WDR27: variants seen among roughly 807,000 people sequenced by gnomAD.
WDR27 encodes WD repeat-containing protein 27.
Under a neutral mutation model 114.4 loss-of-function variants are expected in WDR27, and 100 were observed. The observed-to-expected ratio is 0.87, with a 90% CI of 0.74 to 1.03. The LOEUF is 1.03. Among genes scored for constraint, WDR27 ranks in the 50% least tolerant of loss-of-function variants. WDR27 has a pLI of 0.00. For missense variants in WDR27, 1,129 were observed against 1,092.9 expected (o/e 1.03, Z -0.47); for synonymous variants, 449 against 423.1 (o/e 1.06, Z -0.75).
At chr6:169,688,450 T>C (rs1472146963) in intron 2 of WDR27, among the ~76,000 whole-genome samples, 1 of 152,144 alleles carries the variant, frequency 6.6e-6, no homozygotes, top group Admixed American at 6.5e-5. Context: ...CATTACAACA[T>C]GCACTTATTA....
chr6:169,591,950 T>C (rs1805825361), intron 23 of WDR27, among the ~76,000 whole-genome samples: 1 of 151,708 alleles, frequency 6.6e-6, no homozygotes, highest in Non-Finnish European at 1.5e-5. Flanking sequence ...TTCTGGCTTC[T>C]ATTAGTGGGG....
intron 25 of WDR27, among the ~76,000 whole-genome samples, chr6:169,554,017 C>T (rs1798539210): frequency 6.6e-6 from 1 of 152,164 alleles, no homozygotes; most frequent in Non-Finnish European, 1.5e-5. Flanking sequence ...TCTTTTAAGT[C>T]ACTTTTTTTA....
intron 25 of WDR27, among the ~76,000 whole-genome samples, chr6:169,481,921 G>A (rs906175850): frequency 6.6e-6 from 1 of 152,192 alleles, no homozygotes; most frequent in Non-Finnish European, 1.5e-5. Flanking sequence ...AAGTCAGGCA[G>A]ACCAAGAACA....
At chr6:169,485,246 A>AAGGAT (rs1788725807) in intron 25 of WDR27, among the ~76,000 whole-genome samples, 1 of 152,258 alleles carries the variant, frequency 6.6e-6, no homozygotes, top group African/African-American at 2.4e-5. Context: ...AGGATAAGAT[A>AAGGAT]AAGTATTTGC....
intron 18 of WDR27, among the ~76,000 whole-genome samples, 199 bp downstream of exon 18, chr6:169,638,340 A>AAAAAAAAAAAAAAAAAAAG (rs1818237674): frequency 7.1e-6 from 1 of 140,054 alleles, no homozygotes; most frequent in Non-Finnish European, 1.5e-5. Flanking sequence ...AAAAAAAAAA[A>AAAAAAAAAAAAAAAAAAAG]AAAAAAAAAA....
chr6:169,694,445 A>T (rs1222598526), intron 1 of WDR27, among the ~76,000 whole-genome samples: 1 of 152,252 alleles, frequency 6.6e-6, no homozygotes, highest in Non-Finnish European at 1.5e-5. Flanking sequence ...TAAATTTATA[A>T]CAAGTAAATC....
chr6:169,648,749 G>A (rs1821463195), intron 15 of WDR27, among the ~76,000 whole-genome samples: 1 of 152,214 alleles, frequency 6.6e-6, no homozygotes, highest in South Asian at 2.1e-4. Flanking sequence ...CCAGTCACAA[G>A]GGGCCCAGGT....
rs534954953 is a variant in WDR27 at position 169,491,618 on chromosome 6, C to T, written c.2646-33984G>A. Among the ~76,000 whole-genome samples the T allele has an allele frequency of 7.2e-5, 11 of 152,226 alleles. 1 individual carries two copies. In the South Asian group the frequency reaches 2.3e-3, roughly 32 times the overall value. ...CAAACTTAAGTCTTGGACATCCTGG[C>T]TTTGGGTGCAGAATTAAGCAGGAAG... On this transcript the variant is annotated intron_variant, in intron 25 of 25. Transcript: ENST00000448612.
At chr6:169,428,328 AG>A in the WDR27 span, among the ~76,000 whole-genome samples, 1 of 152,190 alleles carries the variant, frequency 6.6e-6, no homozygotes, top group Non-Finnish European at 1.5e-5. Flanking sequence ...AAGCCCAGCA[AG>A]TACTTTCAGA....
chr6:169,439,633 C>T, the WDR27 span, among the ~76,000 whole-genome samples: 6 of 147,412 alleles, frequency 4.1e-5, no homozygotes, highest in Non-Finnish European at 7.4e-5. Context: ...TTATTTGAAA[C>T]ATTATTGGTT....
At chr6:169,495,090 A>G (rs886439497) in intron 25 of WDR27, among the ~76,000 whole-genome samples, 1 of 152,216 alleles carries the variant, frequency 6.6e-6, no homozygotes, top group Non-Finnish European at 1.5e-5. Flanking sequence ...AAATATAAAC[A>G]TACATAAATT....
chr6:169,471,461 A>G (rs935009066), intron 25 of WDR27, among the ~76,000 whole-genome samples: 1 of 152,148 alleles, frequency 6.6e-6, no homozygotes, highest in Non-Finnish European at 1.5e-5. Context: ...AGTCATTTTC[A>G]TGAGTTTGAT....
chr6:169,507,065 T>C (rs1251127985), intron 25 of WDR27, among the ~76,000 whole-genome samples: 1 of 152,240 alleles, frequency 6.6e-6, no homozygotes, highest in African/African-American at 2.4e-5. Flanking sequence ...TTCAATTGTG[T>C]AATGTTTTAG....
intron 22 of WDR27, among the ~76,000 whole-genome samples, chr6:169,604,310 G>C (rs1055446637): frequency 1.3e-5 from 2 of 152,040 alleles, no homozygotes; most frequent in African/African-American, 4.8e-5. Context: ...TATCATCAGA[G>C]ACTATAATGA....
chr6:169,641,839 G>A (rs1473039478), intron 17 of WDR27, among the ~76,000 whole-genome samples: 1 of 152,254 alleles, frequency 6.6e-6, no homozygotes, highest in African/African-American at 2.4e-5. Context: ...GCTCCAGGGC[G>A]CGTCACAGAT....
intron 23 of WDR27, among the ~76,000 whole-genome samples, chr6:169,588,654 G>A (rs545076572): frequency 2.0e-5 from 3 of 152,250 alleles, no homozygotes; most frequent in Admixed American, 1.3e-4. Flanking sequence ...AAGTATTCCC[G>A]TGCAGTTGCT....
chr6:169,653,740 G>A lies in WDR27; in HGVS notation c.1403-1732C>T, dbSNP rs139751520. On this transcript the variant is annotated intron_variant, in intron 13 of 25. Transcript: ENST00000448612. ...TTTGTAAAAAGGGAAAAGAAAATGA[G>A]GACAAGATATTGAAACTGAGGTGAG... Among the ~76,000 whole-genome samples, 299 of 152,298 alleles carry A rather than the reference G, an allele frequency of 2.0e-3. 2 individuals are homozygous for A. The highest frequency in any genetic ancestry group is 0.014 in the Middle Eastern group (4 of 294).
At chr6:169,670,979 C>A in intron 3 of WDR27, 1 of 317,886 alleles carries the variant, frequency 3.1e-6, no homozygotes, top group Non-Finnish European at 5.8e-6. Context: ...GAATCATGCA[C>A]ATCAAACTGC....
intron 25 of WDR27, among the ~76,000 whole-genome samples, chr6:169,563,351 C>T (rs959475216): frequency 2.0e-5 from 3 of 152,094 alleles, no homozygotes; most frequent in African/African-American, 7.2e-5. Flanking sequence ...TGAGTCCTGA[C>T]GGGAGCCCAC....
Sources: allele counts gnomAD v4.1 joint callset (sites outside exome capture counted in the v4.1 genomes callset), GRCh38; gene constraint gnomAD v4.1.1; transcripts MANE v1.5; gene names NCBI Gene and HGNC (gene_info 2026-07-23, HGNC 2026-07-21).